Variants in PAPPA2 observed in about 807,000 individuals in gnomAD.
PAPPA2 encodes the protein pappalysin-2.
In PAPPA2, 86 loss-of-function variants were observed where a neutral mutation model predicts 176.4. The ratio of observed to expected loss-of-function variants is 0.49; its 90% CI spans 0.41 to 0.58. The LOEUF (loss-of-function observed/expected upper bound fraction) is 0.58, where lower values mean the gene tolerates loss of function less well. Ranked by LOEUF, PAPPA2 falls within the 20% of genes least tolerant of loss-of-function variation. PAPPA2 has a pLI of 0.00. For synonymous variants in PAPPA2, 809 were observed against 852.2 expected, an observed-to-expected ratio of 0.95 and a Z score of 0.88; for missense variants, 2,073 against 2,256.9, an observed-to-expected ratio of 0.92 and a Z score of 1.65.
At chr1:176,625,027 G>T (rs1655926765) in intron 3 of PAPPA2, among the ~76,000 whole-genome samples, 1 of 152,194 alleles carries the variant, frequency 6.6e-6, no homozygotes, top group Admixed American at 6.5e-5. Context: ...CTACATTGTG[G>T]GCGATTATTC....
intron 4 of PAPPA2, among the ~76,000 whole-genome samples, chr1:176,682,803 C>T (rs1242566103): frequency 6.6e-6 from 1 of 152,056 alleles, no homozygotes; most frequent in Non-Finnish European, 1.5e-5. Context: ...GACCCCAAGT[C>T]ACAGTTTTAT....
intron 3 of PAPPA2, among the ~76,000 whole-genome samples, chr1:176,652,476 AG>A (rs1273909981): frequency 6.6e-6 from 1 of 151,644 alleles, no homozygotes; most frequent in Non-Finnish European, 1.5e-5. Flanking sequence ...GAGGTCCTAA[AG>A]GGGATATACC....
At chr1:176,623,748 T>C (rs866709771) in intron 3 of PAPPA2, among the ~76,000 whole-genome samples, 1 of 94,052 alleles carries the variant, frequency 1.1e-5, no homozygotes. Context: ...TTCTCTCTCT[T>C]TCCTTCCTTC....
Position 176,556,238 on chromosome 1 carries a change from T to C in PAPPA2, c.-85T>C. On this transcript the variant is annotated 5_prime_UTR_variant, in exon 2 of 23. Coordinates refer to ENST00000367662, the MANE Select transcript of PAPPA2 (RefSeq NM_020318.3). ...TCCCTGGTGACTGCAAATCCATTGC[T>C]AGCTGCCTCTTTCTCGTCTGCCCAT... 6.3e-6 allele frequency: 9 copies of C among 1,436,816 alleles called. No individual in the cohort carries two copies. The South Asian group carries it at 1.2e-4, about 19-fold the overall frequency. The allele number at this position is 1,436,816 out of a possible 1,614,324, so 89.0% of individuals were successfully genotyped here.
chr1:176,515,996 G>A (rs572507473), intron 1 of PAPPA2, among the ~76,000 whole-genome samples: 43 of 152,154 alleles, frequency 2.8e-4, no homozygotes, highest in Non-Finnish European at 5.3e-4. Context: ...TAAAAGTGGT[G>A]GAGTAAACTT....
chr1:176,782,630 T>C (rs1181350238), intron 17 of PAPPA2, among the ~76,000 whole-genome samples: 1 of 152,066 alleles, frequency 6.6e-6, no homozygotes, highest in Non-Finnish European at 1.5e-5. Flanking sequence ...AAGTCCAGTG[T>C]TGGTGAAGTG....
intron 14 of PAPPA2, among the ~76,000 whole-genome samples, chr1:176,756,907 T>C (rs1178230109): frequency 6.6e-6 from 1 of 152,190 alleles, no homozygotes; most frequent in Non-Finnish European, 1.5e-5. Context: ...CCTCTCTGTG[T>C]CCATGTGTTC....
rs1458635516 is a variant in PAPPA2 at position 176,793,752 on chromosome 1, G to A, written c.5130+83G>A. 8 of 1,094,132 alleles carry A rather than the reference G, an allele frequency of 7.3e-6. No homozygotes were observed. In the East Asian group the frequency reaches 1.8e-4, roughly 25 times the overall value. 67.8% of individuals were successfully genotyped at this position (1,094,132 alleles called of 1,614,324 possible). A position where few individuals can be genotyped will look rare whatever the true frequency, so the allele number is the denominator to read the frequency against. On this transcript the variant is annotated intron_variant, in intron 20 of 22. Coordinates refer to ENST00000367662, the MANE Select transcript of PAPPA2 (RefSeq NM_020318.3). ...AGCATTATTTTTTGGAGTAATTTCA[G>A]AGGCTTTCAAAGCATCCTCAAAGCA...
intron 6 of PAPPA2, among the ~76,000 whole-genome samples, chr1:176,693,043 ATTTTT>A (rs1246991670): frequency 1.3e-5 from 2 of 152,184 alleles, no homozygotes; most frequent in Non-Finnish European, 1.5e-5. Flanking sequence ...TAACAGATAA[ATTTTT>A]GTAGAAAGGA....
At chr1:176,468,418 T>A (rs1237928227) in intron 1 of PAPPA2, among the ~76,000 whole-genome samples, 1 of 152,196 alleles carries the variant, frequency 6.6e-6, no homozygotes, top group African/African-American at 2.4e-5. Context: ...ATCAATCAAC[T>A]GAGCAAATTC....
intron 15 of PAPPA2, among the ~76,000 whole-genome samples, chr1:176,767,796 C>T (rs1291060548): frequency 6.6e-6 from 1 of 152,208 alleles, no homozygotes; most frequent in East Asian, 1.9e-4. Flanking sequence ...TGCTCTCCAG[C>T]TGACCAAACG....
At chr1:176,629,915 A>G (rs1180640129) in intron 3 of PAPPA2, among the ~76,000 whole-genome samples, 2 of 152,080 alleles carry the variant, frequency 1.3e-5, no homozygotes, top group African/African-American at 4.8e-5. Flanking sequence ...GTAAGATGTA[A>G]GGGTGTAGTG....
chr1:176,740,387 TTCTTCTTTC>T (rs1322668941), intron 14 of PAPPA2, among the ~76,000 whole-genome samples, 191 bp downstream of exon 14: 2 of 152,220 alleles, frequency 1.3e-5, no homozygotes, highest in African/African-American at 4.8e-5. Flanking sequence ...TTATATTTTG[TTCTTCTTTC>T]CTTAGCTGAC....
intron 21 of PAPPA2, among the ~76,000 whole-genome samples, chr1:176,818,862 A>T (rs1666517010): frequency 1.3e-5 from 2 of 152,164 alleles, no homozygotes; most frequent in African/African-American, 4.8e-5. Context: ...TGAACCTGTG[A>T]CTGAAAATTG....
At position 176,463,325 on chromosome 1, in the gene PAPPA2, G is replaced by C. The variant is rs1368476224; in HGVS notation, c.-1010G>C. The stretch of plus-strand genomic sequence containing the variant: ...AAGAGCCTGGACGCCAGCCAGGATT[G>C]AGGTCCTACGGGTGTTTGGGGACCT... On this transcript the variant is annotated 5_prime_UTR_variant, in exon 1 of 23. Coordinates refer to ENST00000367662, the MANE Select transcript of PAPPA2 (RefSeq NM_020318.3). 6.6e-6 allele frequency: 1 copy of C among 152,208 alleles called. No individual in the cohort carries two copies. Among genetic ancestry groups the C allele is most frequent in the Non-Finnish European group, 1.5e-5 (1 of 68,044 alleles). 9.4% of individuals were successfully genotyped at this position (152,208 alleles called of 1,614,324 possible).
At chr1:176,564,554 G>A (rs1426872873) in intron 2 of PAPPA2, among the ~76,000 whole-genome samples, 1 of 152,098 alleles carries the variant, frequency 6.6e-6, no homozygotes, top group African/African-American at 2.4e-5. Flanking sequence ...CTAGTTTCAC[G>A]CTATGCAAAA....
At position 176,740,095 on chromosome 1, in the gene PAPPA2, C is replaced by G; in HGVS notation, c.4050C>G (p.Val1350=). ...TGCTGAATTTCTCATCCCCACGGGT[C>G]GGCATCTCAGCTGTGGCTCTAAGGA... ...SVLLNFSSPR[V]GISAVALRTS... is the part of the protein sequence containing the mutation. The change falls in exon 14 of 23, where the codon GTC becomes GTG. Residue 1350 remains valine (V), a synonymous_variant. Coordinates refer to ENST00000367662, the MANE Select transcript of PAPPA2 (RefSeq NM_020318.3). 1 of 1,613,930 alleles carries G rather than the reference C, an allele frequency of 6.2e-7. No homozygotes were observed. The highest frequency in any genetic ancestry group is 8.5e-7 in the Non-Finnish European group (1 of 1,179,882).
At chr1:176,565,556 G>A (rs1651921644) in intron 2 of PAPPA2, among the ~76,000 whole-genome samples, 1 of 152,192 alleles carries the variant, frequency 6.6e-6, no homozygotes, top group Non-Finnish European at 1.5e-5. Context: ...TTAGCCGGGT[G>A]TAGTGGCATG....
intron 17 of PAPPA2, among the ~76,000 whole-genome samples, chr1:176,776,119 TTTCC>T (rs754012083): frequency 2.8e-4 from 43 of 152,320 alleles, no homozygotes; most frequent in Middle Eastern, 3.4e-3. Context: ...ATTAACCTGA[TTTCC>T]TGGGAAGCTA....
Sources: allele counts gnomAD v4.1 joint callset (sites outside exome capture counted in the v4.1 genomes callset), GRCh38; gene constraint gnomAD v4.1.1; transcripts MANE v1.5; gene names NCBI Gene and HGNC (gene_info 2026-07-23, HGNC 2026-07-21).